Variants in GPRIN2 observed in about 807,000 individuals in gnomAD.
The protein encoded by GPRIN2 is G protein regulated inducer of neurite outgrowth 2.
GPRIN2 carries 1 observed loss-of-function variant against 0.3 expected under a neutral mutation model. The ratio of observed to expected loss-of-function variants is 3.90; its 90% CI spans 1.39 to 18.51. GPRIN2 has a LOEUF of 18.51. GPRIN2 is among the 30% of genes most tolerant of loss of function. GPRIN2 has a pLI of 0.11. For missense variants in GPRIN2, 880 were observed against 604.2 expected, an observed-to-expected ratio of 1.46 and a Z score of -4.79; for synonymous variants, 361 against 258.6, an observed-to-expected ratio of 1.40 and a Z score of -3.80.
In GPRIN2 at chr10:46,550,444, A is replaced by G; in HGVS notation, c.293T>C (p.Val98Ala). The G allele has an allele frequency of 1.9e-6, 3 of 1,611,896 alleles. No homozygotes were observed. The highest frequency in any genetic ancestry group is 2.5e-6 in the Non-Finnish European group (3 of 1,179,740). The change falls in exon 3 of 3, where the codon GTG becomes GCG. Residue 98 changes from valine (V) to alanine (A), a missense_variant. Val to Ala is a moderately conservative substitution (Grantham distance 64). Transcript: ENST00000374314. ...CAGGTCACTGCCGCCCATGGTGGAC[A>G]CATTGCCCACAGTGCTGCTCCACCA... Reference protein sequence around the residue: ...GHWWSSTVGNVSTMGGSDLCR... With the variant: ...GHWWSSTVGNASTMGGSDLCR...
At position 46,556,492 on chromosome 10, in the gene GPRIN2, T is replaced by C. The variant is rs1274970707; in HGVS notation, c.-118+6A>G. Among the ~76,000 whole-genome samples the C allele has an allele frequency of 1.3e-5, 2 of 152,206 alleles. No individual in the cohort carries two copies. The highest frequency in any genetic ancestry group is 4.8e-5 in the African/African-American group (2 of 41,558). ...CCAACGGGAGCGCGCGGAGCCAGCCTCTCACCCTCTCGCCCGCCGGGGCCG... is the reference window on the plus strand; with the variant it reads ...CCAACGGGAGCGCGCGGAGCCAGCCCCTCACCCTCTCGCCCGCCGGGGCCG... On this transcript the variant is annotated splice_donor_region_variant and intron_variant, in intron 1 of 2. Transcript: ENST00000374314.
At position 46,550,329 on chromosome 10, in the gene GPRIN2, A is replaced by G. The variant is rs1832407504; in HGVS notation, c.408T>C (p.Ala136=). 1 of 1,613,218 alleles carries G rather than the reference A, an allele frequency of 6.2e-7. No individual in the cohort carries two copies. The highest frequency in any genetic ancestry group is 8.5e-7 in the Non-Finnish European group (1 of 1,179,946). ...CTGAGCAGCTGAGACTGGCCTTCCG[A>G]GCACCACTGTGTCCCCGCATCTGGG... is the stretch of plus-strand genomic sequence containing the variant. ...RSTQMRGHSG[A]RKASLSCSAL... Residue 136 remains alanine (A), a synonymous_variant, in exon 3 of 3, where the codon GCT becomes GCC. Coordinates refer to ENST00000374314, the MANE Select transcript of GPRIN2 (RefSeq NM_001385282.1).
In GPRIN2 at chr10:46,551,404, C is replaced by T. The variant is rs111970729; in HGVS notation, c.-6-662G>A. 1,183 of 984,250 alleles carry T rather than the reference C, an allele frequency of 1.2e-3. No individual in the cohort carries two copies. The African/African-American group carries it at 0.018, about 15-fold the overall frequency. 61.0% of individuals were successfully genotyped at this position (984,250 alleles called of 1,614,324 possible). A position where few individuals can be genotyped will look rare whatever the true frequency, so the allele number is the denominator to read the frequency against. ...CTGAGCTGGCATGTCTCTGGGGTTC[C>T]CTGACTCCTACCTCTAGCTCCAGGG... is the stretch of plus-strand genomic sequence containing the variant. On this transcript the variant is annotated intron_variant, in intron 2 of 2. Transcript: ENST00000374314.
At position 46,543,359 on chromosome 10, in the gene GPRIN2, TTCTGAATAAC is replaced by T. The variant is rs1397168705; in HGVS notation, c.*5991_*6000del. Among the ~76,000 whole-genome samples, 1 of 152,296 alleles carries T rather than the reference TTCTGAATAAC, an allele frequency of 6.6e-6. No homozygotes were observed. The highest frequency in any genetic ancestry group is 2.4e-5 in the African/African-American group (1 of 41,480). The stretch of plus-strand genomic sequence containing the variant: ...AATGGACAGTGGGGAGGCAGACAGG[TTCTGAATAAC>T]CCAGAACAAAGAGAACATGAAACCA... On this transcript the variant is annotated 3_prime_UTR_variant, in exon 3 of 3. Transcript: ENST00000374314.
At chr10:46,554,296 G>A (rs1041168369) in intron 2 of GPRIN2, among the ~76,000 whole-genome samples, 4 of 152,302 alleles carry the variant, frequency 2.6e-5, no homozygotes, top group African/African-American at 9.6e-5. Flanking sequence ...TCCCATCCTC[G>A]CTACCTTCAT....
Position 46,542,991 on chromosome 10 carries a change from C to T in GPRIN2, c.*6369G>A, listed in dbSNP as rs1014819358. Among the ~76,000 whole-genome samples, 1 of 152,304 alleles carries T rather than the reference C, an allele frequency of 6.6e-6. No homozygotes were observed. Among genetic ancestry groups the T allele is most frequent in the Non-Finnish European group, 1.5e-5 (1 of 68,054 alleles). On this transcript the variant is annotated 3_prime_UTR_variant, in exon 3 of 3. Coordinates refer to ENST00000374314, the MANE Select transcript of GPRIN2 (RefSeq NM_001385282.1). ...AAGTTAGGACTGATGGGGTGCCCTT[C>T]CAGCCCGACCAAAGTCCTTCCATTC...
At chr10:46,551,997 G>C (rs6587512) in intron 2 of GPRIN2, among the ~76,000 whole-genome samples, 2 of 152,106 alleles carry the variant, frequency 1.3e-5, no homozygotes, top group African/African-American at 2.4e-5. Flanking sequence ...ATTATCTGCT[G>C]TGTGCCTGAC....
intron 2 of GPRIN2, among the ~76,000 whole-genome samples, chr10:46,552,446 C>A (rs1162252007): frequency 1.3e-5 from 2 of 152,310 alleles, no homozygotes; most frequent in Admixed American, 6.5e-5. Context: ...ACCTCCCCGA[C>A]CAGGTGAGCA....
In GPRIN2 at chr10:46,548,347, G is replaced by T. The variant is rs1048469322; in HGVS notation, c.*1013C>A. Among the ~76,000 whole-genome samples the T allele has an allele frequency of 6.6e-6, 1 of 152,416 alleles. No individual in the cohort carries two copies. The highest frequency in any genetic ancestry group is 2.4e-5 in the African/African-American group (1 of 41,604). ...CCACAGCCTCACAGCCCCTACCCCA[G>T]GGCCAGGGCAAACTCCTGCCCTGTC... On this transcript the variant is annotated 3_prime_UTR_variant, in exon 3 of 3. Coordinates refer to ENST00000374314, the MANE Select transcript of GPRIN2 (RefSeq NM_001385282.1).
chr10:46,545,213 C>G lies in GPRIN2; in HGVS notation c.*4147G>C, dbSNP rs1485326074. Among the ~76,000 whole-genome samples the G allele has an allele frequency of 6.6e-6, 1 of 152,138 alleles. No homozygotes were observed. Among genetic ancestry groups the G allele is most frequent in the African/African-American group, 2.4e-5 (1 of 41,488 alleles). The stretch of plus-strand genomic sequence containing the variant: ...CACCCCCAGATGCCTGTGACTCCCT[C>G]TGGTGGTTTCTGTGCACAACTTCCC... On this transcript the variant is annotated 3_prime_UTR_variant, in exon 3 of 3. Transcript: ENST00000374314.
At chr10:46,551,975 G>C (rs538620284) in intron 2 of GPRIN2, among the ~76,000 whole-genome samples, 1 of 152,310 alleles carries the variant, frequency 6.6e-6, no homozygotes, top group African/African-American at 2.4e-5. Flanking sequence ...ATGTGTCGTC[G>C]GCACTCAGAG....
intron 2 of GPRIN2, among the ~76,000 whole-genome samples, chr10:46,552,352 G>A (rs1025895757): frequency 3.9e-5 from 6 of 152,306 alleles, no homozygotes; most frequent in Non-Finnish European, 5.9e-5. Context: ...GGAGAAACAG[G>A]GTGGGGACAG....
rs957437670 is a variant in GPRIN2 at position 46,549,299 on chromosome 10, C to A, written c.*61G>T. On this transcript the variant is annotated 3_prime_UTR_variant, in exon 3 of 3. Coordinates refer to ENST00000374314, the MANE Select transcript of GPRIN2 (RefSeq NM_001385282.1). ...CCAGGGGGCACGGAGCCCCCACCGT[C>A]CCTGGCCCAGGTCTAGGACTAAGTC... 14 of 1,446,158 alleles carry A rather than the reference C, an allele frequency of 9.7e-6. No individual in the cohort carries two copies. Among genetic ancestry groups the A allele is most frequent in the Non-Finnish European group, 1.2e-5 (13 of 1,098,422 alleles). 89.6% of individuals were successfully genotyped at this position (1,446,158 alleles called of 1,614,324 possible). A position where few individuals can be genotyped will look rare whatever the true frequency, so the allele number is the denominator to read the frequency against.
chr10:46,556,188 G>A (rs909117474), intron 1 of GPRIN2, among the ~76,000 whole-genome samples: 4 of 152,310 alleles, frequency 2.6e-5, no homozygotes, highest in Non-Finnish European at 5.9e-5. Flanking sequence ...GAGGGGAAAA[G>A]GAAGAAGGGG....
intron 2 of GPRIN2, among the ~76,000 whole-genome samples, chr10:46,553,435 A>G (rs1842833750): frequency 6.6e-6 from 1 of 152,308 alleles, no homozygotes; most frequent in South Asian, 2.1e-4. Context: ...TTGCAGGTCC[A>G]AGACCCCAGG....
Position 46,550,502 on chromosome 10 carries a change from C to T in GPRIN2, c.235G>A (p.Gly79Ser), listed in dbSNP as rs1832347551. The change falls in exon 3 of 3, where the codon GGC becomes AGC. Residue 79 changes from glycine to serine, a missense_variant. Gly to Ser is a moderately conservative substitution (Grantham distance 56, BLOSUM62 0). Transcript: ENST00000374314. ...PESMKPARAS[G>S]PKARPSAGGH... is the part of the protein sequence containing the mutation. ...CCAGCACTGGGTCGCGCCTTGGGGC[C>T]AGAGGCCCGTGCTGGCTTCATGCTC... 6.8e-6 allele frequency: 11 copies of T among 1,606,930 alleles called. No individual in the cohort carries two copies. Among genetic ancestry groups the T allele is most frequent in the African/African-American group, 4.0e-5 (3 of 74,856 alleles).
chr10:46,549,261 G>GCTGC lies in GPRIN2; in HGVS notation c.*95_*98dup. On this transcript the variant is annotated 3_prime_UTR_variant, in exon 3 of 3. Transcript: ENST00000374314. ...AATATTCAGGTGAGAGATGTGCCCA[G>GCTGC]CTGCCGGTGGGTCCAGGGGGCACGG... 1 of 1,379,622 alleles carries GCTGC rather than the reference G, an allele frequency of 7.2e-7. No homozygotes were observed. 85.5% of individuals were successfully genotyped at this position (1,379,622 alleles called of 1,614,324 possible).
chr10:46,542,616 T>G lies in GPRIN2; in HGVS notation c.*6744A>C, dbSNP rs980412699. Among the ~76,000 whole-genome samples, 1 of 152,308 alleles carries G rather than the reference T, an allele frequency of 6.6e-6. No homozygotes were observed. Among genetic ancestry groups the G allele is most frequent in the African/African-American group, 2.4e-5 (1 of 41,486 alleles). ...TCCCCGGGCCACGTGGAACTGTGAG[T>G]CAATTAAACCTCTTTCCTTTATAAA... On this transcript the variant is annotated 3_prime_UTR_variant, in exon 3 of 3. Transcript: ENST00000374314.
intron 2 of GPRIN2, chr10:46,551,606 C>T: frequency 1.7e-6 from 1 of 603,832 alleles, no homozygotes; most frequent in Non-Finnish European, 2.1e-6. Context: ...AGATAAGATG[C>T]CCACCCAGTA....
Sources: gnomAD v4.1 joint callset for allele counts (sites outside exome capture counted in the v4.1 genomes callset) on GRCh38, gnomAD v4.1.1 for gene constraint, MANE v1.5 for transcripts, NCBI Gene and HGNC (gene_info 2026-07-23, HGNC 2026-07-21) for gene names.